LRP1B: variants seen among roughly 807,000 people sequenced by gnomAD.
The protein encoded by LRP1B is low-density lipoprotein receptor-related protein 1B.
LRP1B carries 217 observed loss-of-function variants against 556.6 expected under a neutral mutation model. The ratio of observed to expected loss-of-function variants is 0.39; its 90% CI spans 0.35 to 0.44. The LOEUF (loss-of-function observed/expected upper bound fraction) is 0.44, where lower values mean the gene tolerates loss of function less well. Ranked by LOEUF, LRP1B falls within the 20% of genes least tolerant of loss-of-function variation. The pLI is 1.00. For synonymous variants in LRP1B, 2,047 were observed against 1,865.8 expected (o/e 1.10, Z -2.50); for missense variants, 5,053 against 5,620.8 (o/e 0.90, Z 3.23).
At chr2:140,515,689 A>C (rs566297009) in intron 50 of LRP1B, among the ~76,000 whole-genome samples, 1 of 152,142 alleles carries the variant, frequency 6.6e-6, no homozygotes, top group East Asian at 1.9e-4. Flanking sequence ...ATTAAAGAAG[A>C]TATGATCAGA....
intron 43 of LRP1B, among the ~76,000 whole-genome samples, chr2:140,576,388 T>C (rs986056675): frequency 1.3e-5 from 2 of 152,206 alleles, no homozygotes; most frequent in Non-Finnish European, 2.9e-5. Flanking sequence ...AGGAGAACAA[T>C]TGTTGGTAAA....
chr2:141,678,425 A>G (rs760913043), intron 2 of LRP1B, among the ~76,000 whole-genome samples: 13 of 152,216 alleles, frequency 8.5e-5, no homozygotes, highest in Non-Finnish European at 1.8e-4. Flanking sequence ...GTATGTTTTA[A>G]TGATGAATGA....
intron 84 of LRP1B, among the ~76,000 whole-genome samples, chr2:140,291,550 A>G (rs531079150): frequency 6.1e-4 from 92 of 151,700 alleles, no homozygotes; most frequent in African/African-American, 2.2e-3. Flanking sequence ...CATGACTGAG[A>G]ACATGCAGCG....
chr2:142,069,794 C>T lies in LRP1B; in HGVS notation c.82+60854G>A, dbSNP rs576906326. ...ATAATTCTATATGATAAAATACTTG[C>T]TTATAGTTAAATTTATATATTTTAA... On this transcript the variant is annotated intron_variant, in intron 1 of 90. Coordinates refer to ENST00000389484, the MANE Select transcript of LRP1B (RefSeq NM_018557.3). Among the ~76,000 whole-genome samples the T allele has an allele frequency of 3.3e-5, 5 of 151,690 alleles. No individual in the cohort carries two copies. In the South Asian group the frequency reaches 1.0e-3, roughly 31 times the overall value.
chr2:142,103,814 A>T (rs551792303), intron 1 of LRP1B, among the ~76,000 whole-genome samples: 1 of 151,786 alleles, frequency 6.6e-6, no homozygotes, highest in Non-Finnish European at 1.5e-5. Flanking sequence ...GGCATTTCTG[A>T]CCTCATACTA....
intron 2 of LRP1B, among the ~76,000 whole-genome samples, chr2:141,699,039 C>G (rs1691840710): frequency 6.6e-6 from 1 of 151,916 alleles, no homozygotes. Flanking sequence ...CTCTCATTCT[C>G]TCTGTCTTTC....
At position 142,108,747 on chromosome 2, in the gene LRP1B, G is replaced by A. The variant is rs530937595; in HGVS notation, c.82+21901C>T. 2.6e-5 allele frequency among the ~76,000 whole-genome samples: 4 copies of A among 152,192 alleles called. No homozygotes were observed. The South Asian group carries it at 8.3e-4, about 32-fold the overall frequency. ...ATTTTTAAAATTATTTTTCAAGCGT[G>A]CTCTTTAATTTGCCATTAGTACATA... is the stretch of plus-strand genomic sequence containing the variant. On this transcript the variant is annotated intron_variant, in intron 1 of 90. Coordinates refer to ENST00000389484, the MANE Select transcript of LRP1B (RefSeq NM_018557.3).
intron 7 of LRP1B, among the ~76,000 whole-genome samples, chr2:141,159,392 T>G (rs1375488641): frequency 6.6e-6 from 1 of 152,112 alleles, no homozygotes; most frequent in Non-Finnish European, 1.5e-5. Flanking sequence ...TTTTTATTTT[T>G]GTTTTTTTGT....
At chr2:141,059,636 C>A (rs1279476354) in intron 8 of LRP1B, among the ~76,000 whole-genome samples, 1 of 151,742 alleles carries the variant, frequency 6.6e-6, no homozygotes, top group Non-Finnish European at 1.5e-5. Context: ...ACATTTCACT[C>A]AGAAATTTCA....
At chr2:140,839,268 A>G (rs1176161406) in intron 31 of LRP1B, among the ~76,000 whole-genome samples, 1 of 152,198 alleles carries the variant, frequency 6.6e-6, no homozygotes, top group Non-Finnish European at 1.5e-5. Flanking sequence ...TAATCTTCCT[A>G]TTCAGATAAA....
At chr2:140,385,012 G>A (rs539695090) in intron 67 of LRP1B, among the ~76,000 whole-genome samples, 2 of 152,268 alleles carry the variant, frequency 1.3e-5, no homozygotes, top group South Asian at 4.1e-4. Flanking sequence ...CACACTTTGG[G>A]AGGCCAGGGT....
intron 47 of LRP1B, among the ~76,000 whole-genome samples, chr2:140,531,518 G>T (rs1690691803): frequency 6.6e-6 from 1 of 152,118 alleles, no homozygotes. Flanking sequence ...AAGTCACACT[G>T]TCTAAGATGG....
At chr2:141,840,687 C>T (rs1697439161) in intron 1 of LRP1B, among the ~76,000 whole-genome samples, 1 of 152,072 alleles carries the variant, frequency 6.6e-6, no homozygotes. Context: ...TACAAAATAA[C>T]ATAAGTGAAT....
chr2:141,472,273 C>G (rs1041319886), intron 3 of LRP1B, among the ~76,000 whole-genome samples: 1 of 152,170 alleles, frequency 6.6e-6, no homozygotes, highest in Non-Finnish European at 1.5e-5. Context: ...TGGCCGGACA[C>G]AGTGGCTCAT....
rs1559131209 is a variant in LRP1B at position 141,544,340 on chromosome 2, C to CTTCTTCTTCTT, written c.206-63818_206-63808dup. Among the ~76,000 whole-genome samples the CTTCTTCTTCTT allele has an allele frequency of 1.7e-3, 128 of 73,240 alleles. 4 individuals carry two copies. The highest frequency in any genetic ancestry group is 2.9e-3 in the African/African-American group (54 of 18,332). 48.0% of individuals were successfully genotyped at this position (73,240 alleles called of 152,430 possible). On this transcript the variant is annotated intron_variant, in intron 2 of 90. Coordinates refer to ENST00000389484, the MANE Select transcript of LRP1B (RefSeq NM_018557.3). ...TCTTCTTCTTCTTCTTCTTCTTCTT[C>CTTCTTCTTCTT]TTCTTCTTCTTCTTCTTCTTCTTCT...
chr2:141,201,767 C>A (rs1682032792), intron 6 of LRP1B, among the ~76,000 whole-genome samples: 1 of 151,888 alleles, frequency 6.6e-6, no homozygotes, highest in African/African-American at 2.4e-5. Flanking sequence ...CTCTAATATA[C>A]AATTAGAGAA....
At chr2:141,313,355 A>T (rs75336585) in intron 3 of LRP1B, among the ~76,000 whole-genome samples, 1 of 152,050 alleles carries the variant, frequency 6.6e-6, no homozygotes, top group Non-Finnish European at 1.5e-5. Context: ...CAAATTTTGT[A>T]AAAAAAGAAA....
chr2:141,400,376 C>T (rs1690405115), intron 3 of LRP1B, among the ~76,000 whole-genome samples: 2 of 152,108 alleles, frequency 1.3e-5, no homozygotes, highest in Admixed American at 6.6e-5. Flanking sequence ...TTAGCCTATA[C>T]GACTTGTTTA....
chr2:141,349,976 G>A (rs1688386647), intron 3 of LRP1B, among the ~76,000 whole-genome samples: 1 of 152,078 alleles, frequency 6.6e-6, no homozygotes, highest in Admixed American at 6.5e-5. Context: ...ACGTGGCTGG[G>A]GAGGCCACAC....
Sources: allele counts gnomAD v4.1 joint callset (sites outside exome capture counted in the v4.1 genomes callset), GRCh38; gene constraint gnomAD v4.1.1; transcripts MANE v1.5; gene names NCBI Gene and HGNC (gene_info 2026-07-23, HGNC 2026-07-21).